ZMYM2: variants seen among roughly 807,000 people sequenced by gnomAD.
ZMYM2 encodes zinc finger MYM-type protein 2.
Under a neutral mutation model 162.8 loss-of-function variants are expected in ZMYM2, and 56 were observed. The ratio of observed to expected loss-of-function variants is 0.34; its 90% CI spans 0.28 to 0.43. The LOEUF (loss-of-function observed/expected upper bound fraction) is 0.43, where lower values mean the gene tolerates loss of function less well. ZMYM2 is among the 20% of genes least tolerant of loss of function. The pLI is 1.00. For missense variants in ZMYM2, 1,275 were observed against 1,621.8 expected (o/e 0.79, Z 3.67); for synonymous variants, 510 against 541.6 (o/e 0.94, Z 0.81).
chr13:19,936,520 G>C, the ZMYM2 span, among the ~76,000 whole-genome samples: 1 of 152,160 alleles, frequency 6.6e-6, no homozygotes, highest in East Asian at 1.9e-4. Flanking sequence ...TCAGGAGTTT[G>C]AGACCAGCCT....
At chr13:20,076,562 T>C (rs1266946065) in intron 21 of ZMYM2, among the ~76,000 whole-genome samples, 1 of 150,646 alleles carries the variant, frequency 6.6e-6, no homozygotes, top group African/African-American at 2.5e-5. Context: ...TTGTTTATTA[T>C]AGACAGTAAG....
chr13:19,899,836 A>AAAAAG, the ZMYM2 span, among the ~76,000 whole-genome samples: 58 of 120,892 alleles, frequency 4.8e-4, 2 homozygotes, highest in African/African-American at 9.3e-4. Context: ...AAAAAAAAAA[A>AAAAAG]AAGGAAAACA....
chr13:20,085,916 C>T lies in ZMYM2; in HGVS notation c.4036C>T (p.Leu1346=), dbSNP rs757596283. The part of the protein sequence containing the change: ...DSPVWYTSTS[L]DRNTLENMLV... Reference sequence around the variant, plus strand: ...CCCTGTCTGGTATACGTCTACTTCACTGGACCGAAACACCTTGGAAAATAT... The same window carrying T: ...CCCTGTCTGGTATACGTCTACTTCATTGGACCGAAACACCTTGGAAAATAT... Residue 1346 remains leucine, a synonymous_variant, in exon 25 of 25, where the codon CTG becomes TTG. Coordinates refer to ENST00000610343, the MANE Select transcript of ZMYM2 (RefSeq NM_197968.4). The T allele has an allele frequency of 1.2e-6, 2 of 1,613,714 alleles. No homozygotes were observed. Among genetic ancestry groups the T allele is most frequent in the Admixed American group, 1.7e-5 (1 of 59,996 alleles).
the ZMYM2 span, among the ~76,000 whole-genome samples, chr13:19,926,857 A>G: frequency 6.6e-6 from 1 of 151,890 alleles, no homozygotes; most frequent in South Asian, 2.1e-4. Context: ...TTGTAGAGAC[A>G]GGGTTTCACC....
At chr13:20,013,748 T>A (rs1277828660) in intron 6 of ZMYM2, among the ~76,000 whole-genome samples, 1 of 152,234 alleles carries the variant, frequency 6.6e-6, no homozygotes, top group Non-Finnish European at 1.5e-5. Flanking sequence ...GATTTCTTTA[T>A]GTTGAACCAC....
intron 6 of ZMYM2, among the ~76,000 whole-genome samples, chr13:20,011,130 T>C (rs1951143185): frequency 6.6e-6 from 1 of 152,192 alleles, no homozygotes; most frequent in East Asian, 1.9e-4. Flanking sequence ...CCAATAATAA[T>C]TGTTAACTGT....
chr13:19,986,749 G>A (rs1949179405), intron 2 of ZMYM2, among the ~76,000 whole-genome samples: 1 of 151,902 alleles, frequency 6.6e-6, no homozygotes, highest in African/African-American at 2.4e-5. Flanking sequence ...AAATATTCAT[G>A]TCAAACACTA....
the ZMYM2 span, among the ~76,000 whole-genome samples, chr13:19,889,278 C>T: frequency 6.6e-6 from 1 of 151,906 alleles, no homozygotes; most frequent in Admixed American, 6.6e-5. Context: ...ATCTGAGTGT[C>T]CCAGTGAGTG....
intron 6 of ZMYM2, among the ~76,000 whole-genome samples, chr13:20,007,693 T>C (rs1377776847): frequency 6.6e-6 from 1 of 150,566 alleles, no homozygotes; most frequent in Non-Finnish European, 1.5e-5. Flanking sequence ...TAATTTTGGC[T>C]CACTGCAACT....
At chr13:20,055,410 G>A (rs148639268) in intron 14 of ZMYM2, among the ~76,000 whole-genome samples, 115 of 152,244 alleles carry the variant, frequency 7.6e-4, no homozygotes, top group Middle Eastern at 3.4e-3. Context: ...CTCTCATACT[G>A]TAAACAAGTG....
intron 2 of ZMYM2, among the ~76,000 whole-genome samples, chr13:19,979,336 G>A (rs1464889590): frequency 6.7e-6 from 1 of 150,156 alleles, no homozygotes; most frequent in Non-Finnish European, 1.5e-5. Context: ...CAAATGTTTT[G>A]TTAACTTTGG....
chr13:19,874,984 C>T, the ZMYM2 span, among the ~76,000 whole-genome samples: 11 of 152,186 alleles, frequency 7.2e-5, no homozygotes, highest in African/African-American at 2.4e-4. Flanking sequence ...TAAATTAGTT[C>T]AGCCCCTGTG....
chr13:20,046,938 A>G (rs1954885108), intron 12 of ZMYM2, among the ~76,000 whole-genome samples: 1 of 152,124 alleles, frequency 6.6e-6, no homozygotes, highest in African/African-American at 2.4e-5. Context: ...CCGGGTTACA[A>G]TCATCTAGTT....
intron 12 of ZMYM2, among the ~76,000 whole-genome samples, chr13:20,048,804 G>T (rs200054198): frequency 1.4e-5 from 2 of 143,676 alleles, no homozygotes; most frequent in Admixed American, 6.8e-5. Flanking sequence ...CCTGTGACTT[G>T]TTTTTTTTTT....
chr13:19,868,977 CTGACCT>C, the ZMYM2 span, among the ~76,000 whole-genome samples: 2 of 152,156 alleles, frequency 1.3e-5, no homozygotes, highest in Non-Finnish European at 2.9e-5. Context: ...TCTTGAACTC[CTGACCT>C]CAAGTGATCC....
intron 15 of ZMYM2, 109 bp from the exon 16 acceptor site, chr13:20,059,338 A>AG (rs1956059881): frequency 1.6e-6 from 2 of 1,249,260 alleles, no homozygotes; most frequent in African/African-American, 3.2e-5. Flanking sequence ...ATTAAAAAAA[A>AG]AAAGGTACTG....
At chr13:19,883,585 G>T in the ZMYM2 span, among the ~76,000 whole-genome samples, 3 of 152,118 alleles carry the variant, frequency 2.0e-5, no homozygotes, top group Admixed American at 2.0e-4. Flanking sequence ...TCTAAGCCCA[G>T]GCTATGTTTA....
At chr13:19,896,214 G>A in the ZMYM2 span, among the ~76,000 whole-genome samples, 4 of 151,522 alleles carry the variant, frequency 2.6e-5, no homozygotes, top group African/African-American at 2.4e-5. Context: ...CACGATCTTG[G>A]CTCACTGCAA....
the ZMYM2 span, chr13:19,864,704 A>G: frequency 6.6e-6 from 1 of 152,148 alleles, no homozygotes; most frequent in African/African-American, 2.4e-5. Context: ...TGGTTGATGG[A>G]GACTCCATGG....
Sources: allele counts gnomAD v4.1 joint callset (sites outside exome capture counted in the v4.1 genomes callset), GRCh38; gene constraint gnomAD v4.1.1; transcripts MANE v1.5; gene names NCBI Gene and HGNC (gene_info 2026-07-23, HGNC 2026-07-21).